Variants in ZNF28 observed in about 807,000 individuals in gnomAD.
The protein encoded by ZNF28 is zinc finger protein 28.
Under a neutral mutation model 7.2 loss-of-function variants are expected in ZNF28, and 5 were observed. The observed-to-expected ratio is 0.70, with a 90% CI of 0.36 to 1.46. ZNF28 has a LOEUF of 1.46. ZNF28 is among the 40% of genes most tolerant of loss of function. ZNF28 has a pLI of 0.03. For synonymous variants in ZNF28, 288 were observed against 292.4 expected, an observed-to-expected ratio of 0.99 and a Z score of 0.15; for missense variants, 879 against 866.6, an observed-to-expected ratio of 1.01 and a Z score of -0.18.
In ZNF28 at chr19:52,806,489, C is replaced by T. The variant is rs529299190; in HGVS notation, c.142+1518G>A. Among the ~76,000 whole-genome samples the T allele has an allele frequency of 5.3e-5, 8 of 152,036 alleles. No homozygotes were observed. In the East Asian group the frequency reaches 1.2e-3, roughly 22 times the overall value. On this transcript the variant is annotated intron_variant, in intron 3 of 3. Coordinates refer to ENST00000457749, the MANE Select transcript of ZNF28 (RefSeq NM_006969.5). ...GATTACAGGTGTCAGCCACTGCACACGTCCAGGTTATGGTAATTTTAAGTT... is the reference window on the plus strand; with the variant it reads ...GATTACAGGTGTCAGCCACTGCACATGTCCAGGTTATGGTAATTTTAAGTT...
At position 52,798,086 on chromosome 19, in the gene ZNF28, C is replaced by T. The variant is rs770581894; in HGVS notation, c.*1602G>A. On this transcript the variant is annotated 3_prime_UTR_variant, in exon 4 of 4. Coordinates refer to ENST00000457749, the MANE Select transcript of ZNF28 (RefSeq NM_006969.5). Reference sequence around the variant, plus strand: ...GTAGTGAGTCAAGATCATGCCACTGCACTCCAACCTGGATGACAGAGCAAG... The same window carrying T: ...GTAGTGAGTCAAGATCATGCCACTGTACTCCAACCTGGATGACAGAGCAAG... 1.3e-5 allele frequency: 2 copies of T among 155,234 alleles called. No individual in the cohort carries two copies. Among genetic ancestry groups the T allele is most frequent in the Non-Finnish European group, 2.8e-5 (2 of 70,430 alleles). 9.6% of individuals were successfully genotyped at this position (155,234 alleles called of 1,614,324 possible).
chr19:52,805,239 T>A (rs1202022288), intron 3 of ZNF28: 1 of 148,708 alleles, frequency 6.7e-6, no homozygotes. Flanking sequence ...CACTGCACTT[T>A]AGCCTGGGTG....
chr19:52,821,319 T>C (rs2063195165), intron 1 of ZNF28, among the ~76,000 whole-genome samples: 1 of 150,322 alleles, frequency 6.7e-6, no homozygotes, highest in Admixed American at 6.6e-5. Flanking sequence ...GCGGAAGGAG[T>C]CAAAAAAAGG....
chr19:52,819,740 T>C (rs1015746286), intron 1 of ZNF28, among the ~76,000 whole-genome samples: 1 of 143,628 alleles, frequency 7.0e-6, no homozygotes, highest in African/African-American at 2.8e-5. Context: ...GAGAAGCATC[T>C]TTCACATGCC....
Position 52,815,206 on chromosome 19 carries a change from G to A in ZNF28, c.15+2738C>T, listed in dbSNP as rs760626348. Among the ~76,000 whole-genome samples the A allele has an allele frequency of 4.8e-4, 69 of 145,210 alleles. 4 individuals carry two copies. The highest frequency in any genetic ancestry group is 9.3e-4 in the Non-Finnish European group (63 of 67,492). On this transcript the variant is annotated intron_variant, in intron 2 of 3. Transcript: ENST00000457749. ...AAGGATACTTTGGCAGTGGGAGGAA[G>A]GAGAGGAGCAGAAAAAATAACTATT... is the stretch of plus-strand genomic sequence containing the variant.
chr19:52,800,071 A>G lies in ZNF28; in HGVS notation c.1774T>C (p.Ser592Pro), dbSNP rs1405974457. The G allele has an allele frequency of 2.5e-6, 4 of 1,614,004 alleles. No individual in the cohort carries two copies. Among genetic ancestry groups the G allele is most frequent in the African/African-American group, 1.3e-5 (1 of 74,920 alleles). The change falls in exon 4 of 4, where the codon TCA (serine) becomes CCA (proline). Residue 592 changes from serine to proline, a missense_variant. Coordinates refer to ENST00000457749, the MANE Select transcript of ZNF28 (RefSeq NM_006969.5). ...ACTCTCTGATGTTGTGCCAGGTGTG[A>G]ATCCCTCCGGAAAGCCTTGTCACAA... ...KVCDKAFRRD[S>P]HLAQHQRVHT...
chr19:52,800,928 T>C lies in ZNF28; in HGVS notation c.917A>G (p.Lys306Arg), dbSNP rs1255792041. Residue 306 changes from lysine (K) to arginine (R), a missense_variant, in exon 4 of 4, where the codon AAA becomes AGA. Physicochemically the swap from Lys to Arg is conservative, Grantham distance 26 (BLOSUM62 2). Around this residue, in one of 2 missense-constraint regions of ZNF28, gnomAD observed 864 missense variants for 830.2 expected, o/e 1.04. Transcript: ENST00000457749. ...DKPYECEECD[K>R]VFSRKSHLET... is the part of the protein sequence containing the mutation. ...AAGGTGTGATTTGCGACTGAAAACT[T>C]TGTCACATTCTTCACATTCATAAGG... The C allele has an allele frequency of 1.9e-5, 30 of 1,614,184 alleles. No individual in the cohort carries two copies. Among genetic ancestry groups the C allele is most frequent in the African/African-American group, 4.0e-5 (3 of 75,056 alleles).
At chr19:52,802,870 C>T (rs554897903) in intron 3 of ZNF28, among the ~76,000 whole-genome samples, 3 of 149,944 alleles carry the variant, frequency 2.0e-5, no homozygotes, top group African/African-American at 7.4e-5. Flanking sequence ...ACGCCATTCT[C>T]CTGCCTCAGC....
At chr19:52,816,716 C>A (rs2063128817) in intron 2 of ZNF28, among the ~76,000 whole-genome samples, 1 of 120,752 alleles carries the variant, frequency 8.3e-6, no homozygotes, top group African/African-American at 4.0e-5. Context: ...CCTATAATCC[C>A]AGCTACTAGG....
rs10407516 is a variant in ZNF28, at chr19:52,799,200, A to G, written c.*488T>C. 0.89 allele frequency: 351,234 copies of G among 396,822 alleles called. 155,865 individuals carry two copies. The highest frequency in any genetic ancestry group is 0.93 in the Middle Eastern group (2,262 of 2,420). 24.6% of individuals were successfully genotyped at this position (396,822 alleles called of 1,614,324 possible). On this transcript the variant is annotated 3_prime_UTR_variant, in exon 4 of 4. Transcript: ENST00000457749. ...ATTACACTTGTAGGGTTTCTCTCCA[A>G]TACGAATTGCCTTTTGAATTACAAG...
chr19:52,798,109 A>C lies in ZNF28; in HGVS notation c.*1579T>G, dbSNP rs2062818794. 1 of 159,634 alleles carries C rather than the reference A, an allele frequency of 6.3e-6. No individual in the cohort carries two copies. Among genetic ancestry groups the C allele is most frequent in the Non-Finnish European group, 1.4e-5 (1 of 73,332 alleles). 9.9% of individuals were successfully genotyped at this position (159,634 alleles called of 1,614,324 possible). Reference sequence around the variant, plus strand: ...TGCACTCCAACCTGGATGACAGAGCAAGAGACTCCATCTCAAAAACAAAAA... The same window carrying C: ...TGCACTCCAACCTGGATGACAGAGCCAGAGACTCCATCTCAAAAACAAAAA... On this transcript the variant is annotated 3_prime_UTR_variant, in exon 4 of 4. Transcript: ENST00000457749.
chr19:52,802,356 A>G (rs886629259), intron 3 of ZNF28, among the ~76,000 whole-genome samples: 1 of 147,150 alleles, frequency 6.8e-6, no homozygotes, highest in African/African-American at 2.5e-5. Context: ...TGACAAAATG[A>G]GCCTCCATCT....
intron 1 of ZNF28, among the ~76,000 whole-genome samples, chr19:52,819,167 A>G (rs1291278239): frequency 7.2e-6 from 1 of 138,380 alleles, no homozygotes; most frequent in African/African-American, 2.8e-5. Flanking sequence ...AGATGAGGGT[A>G]AGCTCCCAGG....
chr19:52,810,579 C>A, intron 2 of ZNF28: 2 of 1,589,464 alleles, frequency 1.3e-6, no homozygotes, highest in Non-Finnish European at 1.7e-6. Flanking sequence ...CTTCCACGAG[C>A]CCGCTACCGC....
rs530353548 is a variant in ZNF28, at chr19:52,819,450, A to G, written c.-73-1419T>C. Among the ~76,000 whole-genome samples, 23 of 125,040 alleles carry G rather than the reference A, an allele frequency of 1.8e-4. 5 individuals are homozygous for G. In the South Asian group the frequency reaches 6.0e-3, roughly 33 times the overall value. The allele number at this position is 125,040 out of a possible 152,430, so 82.0% of individuals were successfully genotyped here. A position where few individuals can be genotyped will look rare whatever the true frequency, so the allele number is the denominator to read the frequency against. ...CATCCCACTGAAAATTCTAATTACA[A>G]CTGGGCACTCCCCTCTACCAGAAAA... On this transcript the variant is annotated intron_variant, in intron 1 of 3. Coordinates refer to ENST00000457749, the MANE Select transcript of ZNF28 (RefSeq NM_006969.5).
intron 1 of ZNF28, among the ~76,000 whole-genome samples, chr19:52,818,496 T>G (rs532010912): frequency 9.5e-4 from 145 of 152,184 alleles, no homozygotes; most frequent in Non-Finnish European, 1.7e-3. Context: ...GTGGATTACT[T>G]GAGGTCAGGA....
At position 52,799,554 on chromosome 19, in the gene ZNF28, C is replaced by T. The variant is rs2062834432; in HGVS notation, c.*134G>A. The T allele has an allele frequency of 2.2e-5, 32 of 1,472,706 alleles. No individual in the cohort carries two copies. The highest frequency in any genetic ancestry group is 2.9e-5 in the Non-Finnish European group (31 of 1,066,088). The allele number at this position is 1,472,706 out of a possible 1,614,324, so 91.2% of individuals were successfully genotyped here. A position where few individuals can be genotyped will look rare whatever the true frequency, so the allele number is the denominator to read the frequency against. On this transcript the variant is annotated 3_prime_UTR_variant, in exon 4 of 4. Transcript: ENST00000457749. ...CTCTCCAGTATGAATGGCTTTGTGA[C>T]TTACAAGGGTTGAATTGTGATGGAA...
In ZNF28 at chr19:52,810,312, A is replaced by C. The variant is rs2063002685; in HGVS notation, c.16-2179T>G. 4 of 1,585,344 alleles carry C rather than the reference A, an allele frequency of 2.5e-6. No individual in the cohort carries two copies. The East Asian group carries it at 9.0e-5, about 36-fold the overall frequency. The stretch of plus-strand genomic sequence containing the variant: ...GAAGATGGAGGCTGATGCCCGTTCC[A>C]TCAATGCTGGCAATGTGGACTGCGG... On this transcript the variant is annotated intron_variant, in intron 2 of 3. Transcript: ENST00000457749.
In ZNF28 at chr19:52,799,188, G is replaced by T; in HGVS notation, c.*500C>A. On this transcript the variant is annotated 3_prime_UTR_variant, in exon 4 of 4. Transcript: ENST00000457749. ...TATGCCACATTCATTACACTTGTAG[G>T]GTTTCTCTCCAATACGAATTGCCTT... The T allele has an allele frequency of 2.4e-6, 1 of 410,160 alleles. No homozygotes were observed. Among genetic ancestry groups the T allele is most frequent in the Non-Finnish European group, 4.7e-6 (1 of 213,068 alleles). The allele number at this position is 410,160 out of a possible 1,614,324, so 25.4% of individuals were successfully genotyped here.
Sources: gnomAD v4.1 joint callset for allele counts (sites outside exome capture counted in the v4.1 genomes callset) on GRCh38, gnomAD v4.1.1 for gene constraint, gnomAD v4.1.1 regional missense constraint, MANE v1.5 for transcripts, NCBI Gene and HGNC (gene_info 2026-07-23, HGNC 2026-07-21) for gene names.